BICC1: variants seen among roughly 807,000 people sequenced by gnomAD.
The protein encoded by BICC1 is BicC family RNA binding protein 1.
Under a neutral mutation model 111.0 loss-of-function variants are expected in BICC1, and 43 were observed. The observed-to-expected ratio is 0.39, with a 90% confidence interval of 0.30 to 0.50. The LOEUF (loss-of-function observed/expected upper bound fraction) is 0.50. Among genes scored for constraint, BICC1 ranks in the 20% least tolerant of loss-of-function variants. The pLI, the probability that BICC1 is intolerant of heterozygous loss-of-function variation, is 0.88. For synonymous variants in BICC1, 467 were observed against 434.4 expected (o/e 1.07, Z -0.93); for missense variants, 1,091 against 1,203.2 (o/e 0.91, Z 1.38).
At position 58,814,006 on chromosome 10, in the gene BICC1, C is replaced by T. The variant is rs1236061638; in HGVS notation, c.2533+20C>T. 6.2e-7 allele frequency: 1 copy of T among 1,613,436 alleles called. No homozygotes were observed. The highest frequency in any genetic ancestry group is 1.3e-5 in the African/African-American group (1 of 74,924). ...AATCAAGTGAGCGTTGTGTTTTATG[C>T]ACACTTTTAGGTATCCCCAGATTAG... is the stretch of plus-strand genomic sequence containing the variant. On this transcript the variant is annotated intron_variant, in intron 18 of 20. Transcript: ENST00000373886.
intron 8 of BICC1, among the ~76,000 whole-genome samples, chr10:58,792,813 G>A (rs1843224049): frequency 6.6e-6 from 1 of 152,124 alleles, no homozygotes; most frequent in South Asian, 2.1e-4. Context: ...CCGAATAAAT[G>A]TAATGTGCTT....
At chr10:58,697,838 G>T (rs1840109100) in intron 2 of BICC1, among the ~76,000 whole-genome samples, 1 of 151,306 alleles carries the variant, frequency 6.6e-6, no homozygotes, top group African/African-American at 2.4e-5. Context: ...TCAGCCCCCG[G>T]ATGCAATAAT....
rs1438525533 is a variant in BICC1, at chr10:58,762,762, A to G, written c.308-22239A>G. On this transcript the variant is annotated intron_variant, in intron 3 of 20. Transcript: ENST00000373886. ...AATTAACATCAGTTTTTATTATGAGATGGAAGTTAATAGTCATTGACAAAA... is the reference window on the plus strand; with the variant it reads ...AATTAACATCAGTTTTTATTATGAGGTGGAAGTTAATAGTCATTGACAAAA... Among the ~76,000 whole-genome samples the G allele has an allele frequency of 2.0e-5, 3 of 151,998 alleles. No homozygotes were observed. In the East Asian group the frequency reaches 5.8e-4, roughly 29 times the overall value.
rs1843425998 is a variant in BICC1 at position 58,798,410 on chromosome 10, C to T, written c.1378C>T (p.Pro460Ser). 1 of 1,581,982 alleles carries T rather than the reference C, an allele frequency of 6.3e-7. No homozygotes were observed. Residue 460 changes from proline to serine, a missense_variant, in exon 11 of 21, where the codon CCC becomes TCC. Pro to Ser is a moderately conservative substitution (Grantham distance 74). This residue lies in a region of BICC1 where 843 missense variants were observed against 900.8 expected (regional missense o/e 0.94). Transcript: ENST00000373886. Reference sequence around the variant, plus strand: ...TTCATTTATTACAGGTCTTTTGGGACCCACCACCTTATCTCTGAACACTTC... The same window carrying T: ...TTCATTTATTACAGGTCTTTTGGGATCCACCACCTTATCTCTGAACACTTC... Reference protein sequence around the residue: ...LGLTGLGLLGPTTLSLNTSTT... With the variant: ...LGLTGLGLLGSTTLSLNTSTT...
intron 3 of BICC1, among the ~76,000 whole-genome samples, chr10:58,719,872 G>A (rs1419339120): frequency 2.0e-5 from 3 of 152,128 alleles, no homozygotes; most frequent in Non-Finnish European, 4.4e-5. Flanking sequence ...GCAGCTGACA[G>A]GCCACATAAT....
intron 2 of BICC1, among the ~76,000 whole-genome samples, chr10:58,629,012 G>A (rs1034540947): frequency 6.6e-6 from 1 of 152,188 alleles, no homozygotes; most frequent in Non-Finnish European, 1.5e-5. Context: ...AGTGTGGAAA[G>A]CCTCACTCTG....
chr10:58,550,246 T>C (rs954325928), intron 1 of BICC1, among the ~76,000 whole-genome samples: 1 of 152,102 alleles, frequency 6.6e-6, no homozygotes, highest in Non-Finnish European at 1.5e-5. Context: ...GGTCTCAAAC[T>C]TCTGACCTCA....
At chr10:58,540,037 A>C (rs144763631) in intron 1 of BICC1, among the ~76,000 whole-genome samples, 7 of 152,168 alleles carry the variant, frequency 4.6e-5, no homozygotes, top group African/African-American at 1.7e-4. Flanking sequence ...CAGTGGATCA[A>C]AGATGAAATC....
chr10:58,640,028 C>T (rs1010606486), intron 2 of BICC1, among the ~76,000 whole-genome samples: 12 of 152,156 alleles, frequency 7.9e-5, no homozygotes, highest in Admixed American at 2.6e-4. Flanking sequence ...CCCTGAGCCT[C>T]ATCCCTAAGA....
intron 1 of BICC1, among the ~76,000 whole-genome samples, chr10:58,546,674 A>G (rs900408520): frequency 1.3e-5 from 2 of 152,094 alleles, no homozygotes; most frequent in African/African-American, 4.8e-5. Flanking sequence ...CCCAGGTCCA[A>G]ATGACACCCA....
intron 2 of BICC1, among the ~76,000 whole-genome samples, chr10:58,637,928 C>T (rs575530306): frequency 6.6e-6 from 1 of 151,626 alleles, no homozygotes; most frequent in East Asian, 1.9e-4. Context: ...GTACAGAAGG[C>T]CTGGGAATTT....
chr10:58,702,166 A>G, intron 3 of BICC1, 23 bp downstream of exon 3: 1 of 1,591,972 alleles, frequency 6.3e-7, no homozygotes, highest in Non-Finnish European at 8.6e-7. Context: ...AGGGCAAGAA[A>G]TAGGTGGTTT....
intron 1 of BICC1, among the ~76,000 whole-genome samples, chr10:58,602,629 C>T (rs1845077608): frequency 6.6e-6 from 1 of 152,110 alleles, no homozygotes; most frequent in East Asian, 1.9e-4. Flanking sequence ...AACTAAATGT[C>T]TTGAGAGAAG....
chr10:58,598,761 A>G (rs1406343206), intron 1 of BICC1, among the ~76,000 whole-genome samples: 3 of 152,206 alleles, frequency 2.0e-5, no homozygotes, highest in African/African-American at 7.2e-5. Context: ...CTATGCATTG[A>G]CAAAGGGCTA....
chr10:58,792,192 T>C (rs948025149), intron 8 of BICC1, among the ~76,000 whole-genome samples: 4 of 151,712 alleles, frequency 2.6e-5, no homozygotes, highest in African/African-American at 9.7e-5. Flanking sequence ...ATTCTGTGCA[T>C]CAGAGAAAGT....
chr10:58,725,662 T>C (rs1389766398), intron 3 of BICC1, among the ~76,000 whole-genome samples: 1 of 152,214 alleles, frequency 6.6e-6, no homozygotes, highest in Non-Finnish European at 1.5e-5. Context: ...TACTTGCTAG[T>C]CTTCTTGAAT....
intron 1 of BICC1, among the ~76,000 whole-genome samples, chr10:58,570,546 CAG>C (rs1265127474): frequency 5.3e-5 from 8 of 152,124 alleles, no homozygotes; most frequent in Admixed American, 5.2e-4. Context: ...ATAACAGATG[CAG>C]AGTTACTTAC....
intron 3 of BICC1, among the ~76,000 whole-genome samples, chr10:58,709,224 A>G (rs916945363): frequency 1.3e-5 from 2 of 151,958 alleles, no homozygotes; most frequent in African/African-American, 4.8e-5. Context: ...CCCACACCAC[A>G]CCTTTCCCAG....
At chr10:58,584,164 A>C (rs986509418) in intron 1 of BICC1, among the ~76,000 whole-genome samples, 2 of 151,922 alleles carry the variant, frequency 1.3e-5, no homozygotes, top group African/African-American at 4.8e-5. Context: ...GGTAGAATGT[A>C]GCATATTTCT....
Sources: gnomAD v4.1 joint callset for allele counts (sites outside exome capture counted in the v4.1 genomes callset) on GRCh38, gnomAD v4.1.1 for gene constraint, gnomAD v4.1.1 regional missense constraint, MANE v1.5 for transcripts, NCBI Gene and HGNC (gene_info 2026-07-23, HGNC 2026-07-21) for gene names.